The following ERC1 variants were observed in gnomAD, a reference collection of about 807,000 sequenced individuals.
The protein encoded by ERC1 is ELKS/RAB6-interacting/CAST family member 1, also known as RAB6 interacting protein 2.
Under a neutral mutation model 132.0 loss-of-function variants are expected in ERC1, and 56 were observed. The observed-to-expected ratio is 0.42, with a 90% CI of 0.34 to 0.53. The LOEUF is 0.53. Ranked by LOEUF, ERC1 falls within the 20% of genes least tolerant of loss-of-function variation. The pLI, the probability that ERC1 is intolerant of heterozygous loss-of-function variation, is 0.03. For missense variants in ERC1, 1,202 were observed against 1,349.9 expected, an observed-to-expected ratio of 0.89 and a Z score of 1.72; for synonymous variants, 478 against 476.1, an observed-to-expected ratio of 1.00 and a Z score of -0.05.
intron 15 of ERC1, among the ~76,000 whole-genome samples, chr12:1,296,023 A>AC (rs1226107526): frequency 4.0e-5 from 6 of 150,902 alleles, no homozygotes; most frequent in Non-Finnish European, 7.4e-5. Flanking sequence ...AAAAAAAAAA[A>AC]AAACAACTAA....
At chr12:1,073,509 G>T (rs1027023796) in intron 2 of ERC1, among the ~76,000 whole-genome samples, 1 of 148,382 alleles carries the variant, frequency 6.7e-6, no homozygotes, top group African/African-American at 2.5e-5. Context: ...AAAATTAGGG[G>T]GTGGTGGCGT....
At chr12:1,335,212 C>A (rs1042965382) in intron 15 of ERC1, among the ~76,000 whole-genome samples, 3 of 151,984 alleles carry the variant, frequency 2.0e-5, no homozygotes, top group Admixed American at 2.0e-4. Flanking sequence ...ATTTGGATAC[C>A]CTTTATTTCT....
chr12:1,036,488 C>T (rs891501872), intron 2 of ERC1, among the ~76,000 whole-genome samples: 3 of 150,722 alleles, frequency 2.0e-5, no homozygotes, highest in African/African-American at 7.3e-5. Flanking sequence ...GATTCTCCTG[C>T]CTCAGCCTCC....
At chr12:1,205,489 C>G (rs1957279629) in intron 12 of ERC1, among the ~76,000 whole-genome samples, 1 of 151,250 alleles carries the variant, frequency 6.6e-6, no homozygotes. Context: ...ATATGGGTTA[C>G]ACTGGGATAA....
At chr12:1,267,069 C>G (rs1357675372) in intron 14 of ERC1, among the ~76,000 whole-genome samples, 1 of 152,214 alleles carries the variant, frequency 6.6e-6, no homozygotes, top group African/African-American at 2.4e-5. Context: ...ACGGGATCCC[C>G]TTACAGTTTA....
intron 14 of ERC1, among the ~76,000 whole-genome samples, chr12:1,269,644 A>G (rs1178395383): frequency 2.0e-5 from 3 of 152,182 alleles, no homozygotes; most frequent in African/African-American, 7.2e-5. Flanking sequence ...GGAGGATCAG[A>G]TGGACTATTA....
chr12:1,259,109 T>C (rs1402516517), intron 13 of ERC1, among the ~76,000 whole-genome samples: 1 of 152,218 alleles, frequency 6.6e-6, no homozygotes, highest in African/African-American at 2.4e-5. Context: ...ACTATGTATT[T>C]TATATTATTT....
chr12:1,046,071 A>G (rs1025258804), intron 2 of ERC1, among the ~76,000 whole-genome samples: 3 of 152,186 alleles, frequency 2.0e-5, no homozygotes, highest in African/African-American at 4.8e-5. Context: ...GCAAAATAAA[A>G]TATAAATAAC....
intron 17 of ERC1, among the ~76,000 whole-genome samples, chr12:1,442,102 A>G (rs1404225750): frequency 6.6e-6 from 1 of 151,902 alleles, no homozygotes; most frequent in Non-Finnish European, 1.5e-5. Flanking sequence ...TAATTTTTGT[A>G]TTTTTAGTAG....
At chr12:1,428,990 C>G (rs992148088) in intron 17 of ERC1, among the ~76,000 whole-genome samples, 2 of 152,136 alleles carry the variant, frequency 1.3e-5, no homozygotes, top group African/African-American at 4.8e-5. Flanking sequence ...GCTAGGAGAT[C>G]AAAGCAGAGC....
intron 15 of ERC1, among the ~76,000 whole-genome samples, chr12:1,318,935 C>T (rs557614065): frequency 6.6e-6 from 1 of 152,206 alleles, no homozygotes; most frequent in Non-Finnish European, 1.5e-5. Context: ...TCCAAGTTAA[C>T]TGCCAGAAAT....
rs192098691 is a variant in ERC1 at position 1,246,214 on chromosome 12, C to T, written c.2487+9310C>T. On this transcript the variant is annotated intron_variant, in intron 13 of 18. Coordinates refer to ENST00000360905, the MANE Select transcript of ERC1 (RefSeq NM_178040.4). ...GTACAAGGTGACTTATAACATTATTCGTAATTGCAAAATTTTGAAAACCTA... is the reference window on the plus strand; with the variant it reads ...GTACAAGGTGACTTATAACATTATTTGTAATTGCAAAATTTTGAAAACCTA... 1.7e-3 allele frequency among the ~76,000 whole-genome samples: 251 copies of T among 152,004 alleles called. 1 individual carries two copies. The highest frequency in any genetic ancestry group is 6.8e-3 in the Middle Eastern group (2 of 294).
chr12:1,018,505 A>C (rs966996486), intron 1 of ERC1, among the ~76,000 whole-genome samples: 1 of 152,242 alleles, frequency 6.6e-6, no homozygotes, highest in Admixed American at 6.5e-5. Flanking sequence ...GTGAGCCACC[A>C]CACCCAGCCT....
intron 2 of ERC1, among the ~76,000 whole-genome samples, chr12:1,064,600 C>T (rs1160133006): frequency 6.6e-6 from 1 of 152,154 alleles, no homozygotes; most frequent in Admixed American, 6.5e-5. Flanking sequence ...TGCTATGTTG[C>T]CCAGGCTTGT....
intron 12 of ERC1, among the ~76,000 whole-genome samples, chr12:1,198,739 G>A (rs1191656180): frequency 6.6e-6 from 1 of 152,194 alleles, no homozygotes; most frequent in East Asian, 1.9e-4. Flanking sequence ...AGCAGAAGGT[G>A]AAGGGGAAGC....
chr12:1,058,985 A>C (rs1458624991), intron 2 of ERC1, among the ~76,000 whole-genome samples: 1 of 151,606 alleles, frequency 6.6e-6, no homozygotes, highest in East Asian at 1.9e-4. Context: ...ATGTCTTTCC[A>C]ATTTTTTTTG....
intron 12 of ERC1, among the ~76,000 whole-genome samples, chr12:1,234,262 A>C (rs560892772): frequency 6.6e-6 from 1 of 152,216 alleles, no homozygotes; most frequent in Non-Finnish European, 1.5e-5. Context: ...GGTATGTAAT[A>C]TGATACTCTC....
At chr12:1,050,944 G>T (rs556030865) in intron 2 of ERC1, among the ~76,000 whole-genome samples, 1 of 152,140 alleles carries the variant, frequency 6.6e-6, no homozygotes, top group South Asian at 2.1e-4. Flanking sequence ...GGCGGAAGTT[G>T]CAGTGAGCCG....
At chr12:1,288,952 T>G (rs566880575) in intron 14 of ERC1, among the ~76,000 whole-genome samples, 2 of 151,974 alleles carry the variant, frequency 1.3e-5, no homozygotes, top group African/African-American at 4.8e-5. Flanking sequence ...TTTCTTTTCC[T>G]TATGTTTTAG....
Sources: allele counts gnomAD v4.1 joint callset (sites outside exome capture counted in the v4.1 genomes callset), GRCh38; gene constraint gnomAD v4.1.1; transcripts MANE v1.5; gene names NCBI Gene and HGNC (gene_info 2026-07-23, HGNC 2026-07-21).